The following MTA3 variants were observed in gnomAD, a reference collection of about 807,000 sequenced individuals.
MTA3 encodes metastasis-associated protein MTA3.
In MTA3, 34 loss-of-function variants were observed where a neutral mutation model predicts 83.5. The observed-to-expected ratio is 0.41, with a 90% CI of 0.31 to 0.54. The LOEUF is 0.54. Ranked by LOEUF, MTA3 falls within the 20% of genes least tolerant of loss-of-function variation. The pLI is 0.33. For missense variants in MTA3, 761 were observed against 726.4 expected (o/e 1.05, Z -0.55); for synonymous variants, 303 against 252.7 (o/e 1.20, Z -1.89).
At chr2:42,645,546 CA>C (rs1333513858) in intron 6 of MTA3, among the ~76,000 whole-genome samples, 5 of 151,910 alleles carry the variant, frequency 3.3e-5, no homozygotes, top group Non-Finnish European at 7.4e-5. Context: ...AACAAACAAA[CA>C]AACAAACAAA....
intron 15 of MTA3, 57 bp from the exon 16 acceptor site, chr2:42,722,832 T>C: frequency 2.0e-6 from 3 of 1,534,946 alleles, no homozygotes; most frequent in South Asian, 1.2e-5. Flanking sequence ...CCAATGTAAA[T>C]GCACACAGAT....
intron 14 of MTA3, among the ~76,000 whole-genome samples, chr2:42,716,965 CT>C (rs1667071543): frequency 6.6e-6 from 1 of 152,018 alleles, no homozygotes; most frequent in Non-Finnish European, 1.5e-5. Flanking sequence ...ATTTCTTTTT[CT>C]CTTCAACCTG....
intron 4 of MTA3, among the ~76,000 whole-genome samples, chr2:42,623,408 C>G (rs772089162): frequency 1.3e-5 from 2 of 152,162 alleles, no homozygotes; most frequent in Non-Finnish European, 2.9e-5. Flanking sequence ...CCTGGACTCC[C>G]TGGACATAAG....
chr2:42,524,345 G>A (rs12712845), intron 2 of MTA3, among the ~76,000 whole-genome samples: 53,225 of 151,116 alleles, frequency 0.35, 9,434 homozygotes, highest in South Asian at 0.4. Flanking sequence ...CTGTTGCCTG[G>A]GCTGAAGGGC....
chr2:42,648,550 C>T (rs899050945), intron 6 of MTA3, among the ~76,000 whole-genome samples: 5 of 152,138 alleles, frequency 3.3e-5, no homozygotes, highest in African/African-American at 1.2e-4. Context: ...CAGCATTTGT[C>T]TTGCTAGGGA....
At chr2:42,518,050 G>A (rs1392984409) in intron 2 of MTA3, among the ~76,000 whole-genome samples, 1 of 151,580 alleles carries the variant, frequency 6.6e-6, no homozygotes, top group Non-Finnish European at 1.5e-5. Flanking sequence ...GCAAGATGTG[G>A]TGGCAGGCAC....
At chr2:42,627,725 A>ATTTTTTTTTTTTTTTTTTTTTTTTT (rs869227831) in intron 4 of MTA3, among the ~76,000 whole-genome samples, 3 of 103,384 alleles carry the variant, frequency 2.9e-5, no homozygotes, top group Non-Finnish European at 3.6e-5. Flanking sequence ...GCCTGGCTAA[A>ATTTTTTTTTTTTTTTTTTTTTTTTT]TTTTTTTTTT....
intron 4 of MTA3, among the ~76,000 whole-genome samples, chr2:42,639,564 C>CAGA (rs1687516838): frequency 6.6e-6 from 1 of 152,168 alleles, no homozygotes; most frequent in Non-Finnish European, 1.5e-5. Context: ...TAAGTGCTGT[C>CAGA]AGACCTCAAG....
At chr2:42,676,535 A>G (rs1691364501) in intron 8 of MTA3, among the ~76,000 whole-genome samples, 1 of 152,136 alleles carries the variant, frequency 6.6e-6, no homozygotes, top group South Asian at 2.1e-4. Context: ...GGAGGCCAAG[A>G]CAGGCAGATC....
In MTA3 at chr2:42,682,597, G is replaced by T. The variant is rs1163127038; in HGVS notation, c.891+8G>T. On this transcript the variant is annotated splice_region_variant and intron_variant, in intron 9 of 16. Coordinates refer to ENST00000405094, the MANE Select transcript of MTA3 (RefSeq NM_001330442.2). ...GACATACGGCAAGATTTTGTAAGTA[G>T]AAAATTATGAGTAAAATAAAATGTT... 8 of 1,599,936 alleles carry T rather than the reference G, an allele frequency of 5.0e-6. No homozygotes were observed. The highest frequency in any genetic ancestry group is 6.8e-6 in the Non-Finnish European group (8 of 1,172,146).
chr2:42,627,946 G>A (rs1271360205), intron 4 of MTA3, among the ~76,000 whole-genome samples: 6 of 151,334 alleles, frequency 4.0e-5, no homozygotes, highest in Admixed American at 6.6e-5. Context: ...GTGCAGCGGC[G>A]CCATCTTGGC....
At chr2:42,636,855 G>A (rs1687254698) in intron 4 of MTA3, among the ~76,000 whole-genome samples, 1 of 151,968 alleles carries the variant, frequency 6.6e-6, no homozygotes, top group Non-Finnish European at 1.5e-5. Context: ...TCGAACTCCT[G>A]ACCTCGTGAC....
At chr2:42,614,418 A>T (rs1031165625) in intron 4 of MTA3, among the ~76,000 whole-genome samples, 12 of 152,210 alleles carry the variant, frequency 7.9e-5, no homozygotes, top group Non-Finnish European at 1.6e-4. Context: ...CTTACTACAA[A>T]TATTCAATAA....
chr2:42,720,472 C>T (rs1358238379), intron 15 of MTA3, among the ~76,000 whole-genome samples: 3 of 152,124 alleles, frequency 2.0e-5, no homozygotes, highest in Non-Finnish European at 2.9e-5. Flanking sequence ...TGAGCCACTG[C>T]GTCCGGCCAT....
chr2:42,745,912 C>G (rs1669379578), intron 16 of MTA3, among the ~76,000 whole-genome samples: 1 of 146,666 alleles, frequency 6.8e-6, no homozygotes, highest in African/African-American at 2.5e-5. Context: ...CTCCCTGGTT[C>G]AAGCGATTCT....
At chr2:42,574,630 G>T (rs568380749) in intron 2 of MTA3, among the ~76,000 whole-genome samples, 1 of 149,938 alleles carries the variant, frequency 6.7e-6, no homozygotes, top group Non-Finnish European at 1.5e-5. Flanking sequence ...GTGAAGACAG[G>T]GTTTCACCAT....
intron 3 of MTA3, among the ~76,000 whole-genome samples, chr2:42,586,672 C>T (rs918728839): frequency 7.9e-5 from 12 of 151,624 alleles, no homozygotes; most frequent in African/African-American, 1.7e-4. Context: ...TTTGGGGGCC[C>T]GAGACGGGTA....
intron 3 of MTA3, among the ~76,000 whole-genome samples, chr2:42,606,118 GCTC>G (rs1431176804): frequency 7.6e-6 from 1 of 130,774 alleles, no homozygotes; most frequent in Non-Finnish European, 1.7e-5. Flanking sequence ...GGGCTGAGGG[GCTC>G]CTCACTTCCC....
rs548356697 is a variant in MTA3, at chr2:42,605,857, C to T, written c.191-3601C>T. ...GGTGGAGGGCTGACCCCCCCACCTC[C>T]CTCCTGGACGGGGCGGTTGGCCGGG... On this transcript the variant is annotated intron_variant, in intron 3 of 16. Coordinates refer to ENST00000405094, the MANE Select transcript of MTA3 (RefSeq NM_001330442.2). Among the ~76,000 whole-genome samples, 308 of 134,092 alleles carry T rather than the reference C, an allele frequency of 2.3e-3. 3 individuals carry two copies. The highest frequency in any genetic ancestry group is 7.6e-3 in the African/African-American group (268 of 35,322). The allele number at this position is 134,092 out of a possible 152,430, so 88.0% of individuals were successfully genotyped here. A position where few individuals can be genotyped will look rare whatever the true frequency, so the allele number is the denominator to read the frequency against.
Sources: gnomAD v4.1 joint callset for allele counts (sites outside exome capture counted in the v4.1 genomes callset) on GRCh38, gnomAD v4.1.1 for gene constraint, MANE v1.5 for transcripts, NCBI Gene and HGNC (gene_info 2026-07-23, HGNC 2026-07-21) for gene names.